The following PLCL1 variants were observed in gnomAD, a reference collection of about 807,000 sequenced individuals.
PLCL1 encodes the protein phospholipase C like 1 (inactive).
In PLCL1, 41 loss-of-function variants were observed where a neutral mutation model predicts 84.4. That is an observed-to-expected ratio of 0.49 (90% confidence interval 0.38 to 0.63). PLCL1 has a LOEUF of 0.63. PLCL1 is among the 30% of genes least tolerant of loss of function. The probability of loss-of-function intolerance (pLI) is 0.00; values close to 1 mark genes in which losing one functional copy is unlikely to be tolerated. For missense variants in PLCL1, 1,206 were observed against 1,367.8 expected (o/e 0.88, Z 1.87); for synonymous variants, 490 against 488.3 (o/e 1.00, Z -0.05).
At chr2:197,888,316 A>C (rs892685461) in intron 1 of PLCL1, among the ~76,000 whole-genome samples, 2 of 152,142 alleles carry the variant, frequency 1.3e-5, no homozygotes, top group Admixed American at 6.5e-5. Context: ...CCTTTCTGCC[A>C]TATGTGTTTC....
rs1196080467 is a variant in PLCL1, at chr2:197,922,653, A to AC, written c.240+117321dup. On this transcript the variant is annotated intron_variant, in intron 1 of 5. Transcript: ENST00000428675. ...GGCCGGGCAGGGGGCTGACCCCCCC[A>AC]CCCCCCCACCTCCCTCCCGGACGGG... 1.2e-4 allele frequency among the ~76,000 whole-genome samples: 15 copies of AC among 125,534 alleles called. No individual in the cohort carries two copies. In the East Asian group the frequency reaches 1.3e-3, roughly 11 times the overall value. The allele number at this position is 125,534 out of a possible 152,430, so 82.4% of individuals were successfully genotyped here.
intron 1 of PLCL1, among the ~76,000 whole-genome samples, chr2:197,994,728 A>T (rs1011436186): frequency 1.3e-5 from 2 of 152,238 alleles, no homozygotes; most frequent in African/African-American, 4.8e-5. Context: ...AGTTCAGTAG[A>T]GTAGTTTCCT....
intron 3 of PLCL1, among the ~76,000 whole-genome samples, chr2:198,097,330 A>G (rs149408349): frequency 6.6e-6 from 1 of 152,184 alleles, no homozygotes; most frequent in African/African-American, 2.4e-5. Flanking sequence ...CTCTAGGACC[A>G]TGGATATCAG....
intron 1 of PLCL1, among the ~76,000 whole-genome samples, chr2:197,958,323 C>T (rs1689532408): frequency 6.6e-6 from 1 of 151,274 alleles, no homozygotes; most frequent in African/African-American, 2.4e-5. Flanking sequence ...TCTTGGACCA[C>T]ACATAAAATA....
At chr2:197,957,592 C>T (rs1223819373) in intron 1 of PLCL1, among the ~76,000 whole-genome samples, 1 of 152,000 alleles carries the variant, frequency 6.6e-6, no homozygotes, top group African/African-American at 2.4e-5. Flanking sequence ...GATATAGTTG[C>T]CAGTTTGCTG....
intron 1 of PLCL1, among the ~76,000 whole-genome samples, chr2:197,837,517 A>G (rs1691216373): frequency 6.6e-6 from 1 of 152,164 alleles, no homozygotes; most frequent in Non-Finnish European, 1.5e-5. Flanking sequence ...TTCAGGTCAT[A>G]TATCTTCACC....
intron 1 of PLCL1, among the ~76,000 whole-genome samples, chr2:198,056,188 C>T (rs1453098715): frequency 6.6e-6 from 1 of 152,138 alleles, no homozygotes; most frequent in African/African-American, 2.4e-5. Context: ...TTGTTTATCA[C>T]ACTATTAATT....
At chr2:198,007,157 G>A (rs901220288) in intron 1 of PLCL1, among the ~76,000 whole-genome samples, 1 of 152,120 alleles carries the variant, frequency 6.6e-6, no homozygotes, top group Non-Finnish European at 1.5e-5. Flanking sequence ...TTAAAAAATA[G>A]GATCAGATCA....
chr2:198,029,337 A>G (rs763722906), intron 1 of PLCL1, among the ~76,000 whole-genome samples: 4 of 152,206 alleles, frequency 2.6e-5, no homozygotes, highest in Non-Finnish European at 4.4e-5. Flanking sequence ...TTCAGAGAGT[A>G]ATTTTCAGAT....
At chr2:197,854,744 T>C (rs1319691696) in intron 1 of PLCL1, among the ~76,000 whole-genome samples, 2 of 152,174 alleles carry the variant, frequency 1.3e-5, no homozygotes, top group Non-Finnish European at 2.9e-5. Flanking sequence ...GGAGGGAAGA[T>C]ACAAATTACT....
intron 1 of PLCL1, among the ~76,000 whole-genome samples, chr2:197,839,164 T>C (rs952337826): frequency 7.2e-5 from 11 of 152,216 alleles, no homozygotes; most frequent in African/African-American, 2.7e-4. Flanking sequence ...GAAAAACATT[T>C]CACTAACACA....
chr2:197,922,953 C>T (rs1574950344), intron 1 of PLCL1, among the ~76,000 whole-genome samples: 6 of 116,240 alleles, frequency 5.2e-5, no homozygotes, highest in East Asian at 3.1e-4. Context: ...GGGCGGGGGG[C>T]TGACCCCCCC....
chr2:197,908,544 C>T (rs1030351367), intron 1 of PLCL1, among the ~76,000 whole-genome samples: 2 of 152,338 alleles, frequency 1.3e-5, no homozygotes, highest in Non-Finnish European at 2.9e-5. Context: ...AATTTACTCT[C>T]AAGTGTTCTC....
At chr2:197,860,340 G>A (rs975899116) in intron 1 of PLCL1, among the ~76,000 whole-genome samples, 1 of 152,194 alleles carries the variant, frequency 6.6e-6, no homozygotes, top group African/African-American at 2.4e-5. Flanking sequence ...ATGAACACAT[G>A]TGTGCATGTG....
intron 1 of PLCL1, among the ~76,000 whole-genome samples, chr2:198,066,787 T>C (rs1474924840): frequency 1.3e-5 from 2 of 152,198 alleles, no homozygotes; most frequent in Admixed American, 6.5e-5. Context: ...CTGTTTCTTC[T>C]GCATGGAATA....
At chr2:198,037,895 A>G (rs1296211191) in intron 1 of PLCL1, among the ~76,000 whole-genome samples, 1 of 152,166 alleles carries the variant, frequency 6.6e-6, no homozygotes, top group Admixed American at 6.5e-5. Flanking sequence ...TTTGGGAAAA[A>G]TATAAAAAAG....
intron 1 of PLCL1, among the ~76,000 whole-genome samples, chr2:197,838,054 C>T (rs1691225211): frequency 6.6e-6 from 1 of 151,984 alleles, no homozygotes; most frequent in South Asian, 2.1e-4. Flanking sequence ...AAGTTTCTTT[C>T]CTCAGCAGCT....
chr2:197,935,047 C>A (rs932943285), intron 1 of PLCL1, among the ~76,000 whole-genome samples: 2 of 152,100 alleles, frequency 1.3e-5, no homozygotes, highest in Admixed American at 1.3e-4. Context: ...CAACATCACT[C>A]GTCATTTGAG....
intron 1 of PLCL1, among the ~76,000 whole-genome samples, chr2:198,037,072 G>T (rs1045917044): frequency 1.3e-5 from 2 of 152,138 alleles, no homozygotes; most frequent in Admixed American, 1.3e-4. Flanking sequence ...CTAGAGTGGA[G>T]AATATCTCTA....
Sources: allele counts gnomAD v4.1 joint callset (sites outside exome capture counted in the v4.1 genomes callset), GRCh38; gene constraint gnomAD v4.1.1; transcripts MANE v1.5; gene names NCBI Gene and HGNC (gene_info 2026-07-23, HGNC 2026-07-21).